The following HPRT1 variants were observed in gnomAD, a reference collection of about 807,000 sequenced individuals.
HPRT1 encodes hypoxanthine-guanine phosphoribosyltransferase.
A neutral mutation model predicts 19.0 loss-of-function variants in HPRT1; 4 were observed. The observed-to-expected ratio is 0.21, with a 90% confidence interval of 0.10 to 0.48. The LOEUF is 0.48. Among genes scored for constraint, HPRT1 ranks in the 20% least tolerant of loss-of-function variants. The pLI is 0.98. For synonymous variants in HPRT1, 53 were observed against 54.9 expected, an observed-to-expected ratio of 0.97 and a Z score of 0.15; for missense variants, 65 against 164.0, an observed-to-expected ratio of 0.40 and a Z score of 3.30.
chrX:134,493,491 GTCT>G lies in HPRT1; in HGVS notation c.403-12_403-10del. ...GACTCTGAATTTAAAGCTATGCAAT[GTCT>G]TCTTTTTTGAAAGGATATAATTGAC... On this transcript the variant is annotated splice_polypyrimidine_tract_variant and intron_variant, in intron 5 of 8. Coordinates refer to ENST00000298556, the MANE Select transcript of HPRT1 (RefSeq NM_000194.3). The G allele has an allele frequency of 8.7e-7, 1 of 1,146,558 alleles. No individual in the cohort carries two copies. The allele number at this position is 1,146,558 out of a possible 1,213,427, so 94.5% of individuals were successfully genotyped here. A position where few individuals can be genotyped will look rare whatever the true frequency, so the allele number is the denominator to read the frequency against.
chrX:134,491,965 A>G, intron 5 of HPRT1, among the ~76,000 whole-genome samples: 1 of 101,025 alleles, frequency 9.9e-6, no homozygotes, highest in South Asian at 4.2e-4. Flanking sequence ...ATATATACAC[A>G]CACATATATA....
chrX:134,472,078 C>G (rs1240918080), intron 1 of HPRT1, among the ~76,000 whole-genome samples: 1 of 111,229 alleles, frequency 9.0e-6, no homozygotes, highest in Non-Finnish European at 1.9e-5. Flanking sequence ...CAAGTGATTC[C>G]TTCTGCCTCC....
At chrX:134,486,065 G>T (rs1007440321) in intron 3 of HPRT1, among the ~76,000 whole-genome samples, 1 of 111,221 alleles carries the variant, frequency 9.0e-6, no homozygotes, top group African/African-American at 3.3e-5. Context: ...CATGGGAATC[G>T]TACAGGGCCA....
chrX:134,491,589 A>G (rs1379188700), intron 5 of HPRT1, among the ~76,000 whole-genome samples: 2 of 110,114 alleles, frequency 1.8e-5, no homozygotes, highest in African/African-American at 3.3e-5. Flanking sequence ...TTTGCTCCTT[A>G]TTTCTCGTAC....
Position 134,460,501 on chromosome X carries a change from AG to A in HPRT1, c.27+166del, listed in dbSNP as rs2077580024. ...CCCGGGTTCGGCTTTACGTCACGCGAGGGCGGCAGGGAGGACGGAATGGCGG... is the reference window on the plus strand; with the variant it reads ...CCCGGGTTCGGCTTTACGTCACGCGAGGCGGCAGGGAGGACGGAATGGCGG... On this transcript the variant is annotated intron_variant, in intron 1 of 8. Transcript: ENST00000298556. The A allele has an allele frequency of 1.3e-5, 4 of 311,789 alleles. No homozygotes were observed. In the South Asian group the frequency reaches 5.9e-4, roughly 46 times the overall value. 25.7% of individuals were successfully genotyped at this position (311,789 alleles called of 1,213,427 possible).
intron 6 of HPRT1, among the ~76,000 whole-genome samples, chrX:134,496,025 A>G (rs1165175546): frequency 8.9e-6 from 1 of 112,075 alleles, no homozygotes; most frequent in Non-Finnish European, 1.9e-5. Context: ...TTGAGTTTCT[A>G]CCTGTTGGCT....
At chrX:134,490,856 A>G (rs1264293252) in intron 5 of HPRT1, among the ~76,000 whole-genome samples, 1 of 109,102 alleles carries the variant, frequency 9.2e-6, no homozygotes, top group Non-Finnish European at 1.9e-5. Flanking sequence ...GTTTTTACTC[A>G]TAAGTCACTT....
At chrX:134,460,400 C>T (rs1462487917) in intron 1 of HPRT1, 62 bp downstream of exon 1, 2 of 933,395 alleles carry the variant, frequency 2.1e-6, no homozygotes, top group South Asian at 7.0e-5. Flanking sequence ...GGCGGCCGGG[C>T]CCTGAGGCGC....
intron 6 of HPRT1, among the ~76,000 whole-genome samples, chrX:134,497,934 G>A (rs1461724932): frequency 2.8e-5 from 3 of 108,794 alleles, no homozygotes; most frequent in Admixed American, 9.7e-5. Context: ...GCAACAGAGC[G>A]AGATTCCGTC....
intron 3 of HPRT1, among the ~76,000 whole-genome samples, chrX:134,480,454 G>GT (rs35009311): frequency 0.31 from 31,013 of 99,380 alleles, 4,147 homozygotes; most frequent in Admixed American, 0.43. Flanking sequence ...AATTAGAAAT[G>GT]TTTTTTTTTT....
Position 134,497,265 on chromosome X carries a change from G to A in HPRT1, c.486-1125G>A, listed in dbSNP as rs1022642948. 5.4e-5 allele frequency among the ~76,000 whole-genome samples: 6 copies of A among 110,929 alleles called. No homozygotes were observed. In the East Asian group the frequency reaches 1.7e-3, roughly 31 times the overall value. On this transcript the variant is annotated intron_variant, in intron 6 of 8. Transcript: ENST00000298556. ...GATCGCTAGAGCCCAAGAAGTCAAG[G>A]CTGCAGTGAACTGTGATTACACCAC...
chrX:134,477,510 G>A (rs1259486284), intron 3 of HPRT1, among the ~76,000 whole-genome samples: 3 of 111,130 alleles, frequency 2.7e-5, no homozygotes, highest in Non-Finnish European at 5.7e-5. Flanking sequence ...AATTGAGAAA[G>A]CTCTTCTGAT....
chrX:134,487,099 G>A (rs748143890), intron 4 of HPRT1, among the ~76,000 whole-genome samples: 1 of 111,305 alleles, frequency 9.0e-6, no homozygotes, highest in Admixed American at 9.6e-5. Context: ...ACAGTTTCTG[G>A]TAAATCACTC....
At chrX:134,471,675 G>C (rs1416055601) in intron 1 of HPRT1, among the ~76,000 whole-genome samples, 2 of 111,309 alleles carry the variant, frequency 1.8e-5, no homozygotes, top group African/African-American at 6.5e-5. Flanking sequence ...GGGTATTGCT[G>C]TGTCACCCAG....
intron 1 of HPRT1, chrX:134,460,597 A>G (rs1261446215): frequency 4.7e-6 from 1 of 210,913 alleles, no homozygotes; most frequent in African/African-American, 3.0e-5. Context: ...AGAAGGTGGA[A>G]ATGGCGTTTT....
In HPRT1 at chrX:134,493,496, C is replaced by A. The variant is rs201976755; in HGVS notation, c.403-12C>A. On this transcript the variant is annotated splice_polypyrimidine_tract_variant and intron_variant, in intron 5 of 8. Coordinates refer to ENST00000298556, the MANE Select transcript of HPRT1 (RefSeq NM_000194.3). ...TGAATTTAAAGCTATGCAATGTCTT[C>A]TTTTTTGAAAGGATATAATTGACAC... The A allele has an allele frequency of 6.4e-5, 75 of 1,173,303 alleles. 1 individual carries two copies. In the East Asian group the frequency reaches 2.2e-3, roughly 34 times the overall value.
chrX:134,483,781 T>C (rs754312841), intron 3 of HPRT1, among the ~76,000 whole-genome samples: 6 of 112,208 alleles, frequency 5.3e-5, no homozygotes, highest in Admixed American at 3.8e-4. Context: ...TAGGCACTTA[T>C]ACCTGTATTC....
At position 134,460,263 on chromosome X, in the gene HPRT1, C is replaced by T. The variant is rs747134233; in HGVS notation, c.-49C>T. On this transcript the variant is annotated 5_prime_UTR_variant, in exon 1 of 9. Transcript: ENST00000298556. ...CTCCGCCTCCTCCTCTGCTCCGCCA[C>T]CGGCTTCCTCCTCCTGAGCAGTCAG... 35 of 1,114,285 alleles carry T rather than the reference C, an allele frequency of 3.1e-5. No individual in the cohort carries two copies. In the South Asian group the frequency reaches 6.9e-4, roughly 22 times the overall value. The allele number at this position is 1,114,285 out of a possible 1,213,427, so 91.8% of individuals were successfully genotyped here. A position where few individuals can be genotyped will look rare whatever the true frequency, so the allele number is the denominator to read the frequency against.
rs778731254 is a variant in HPRT1 at position 134,486,356 on chromosome X, A to G, written c.319-109A>G. On this transcript the variant is annotated intron_variant, in intron 3 of 8. Transcript: ENST00000298556. ...TGGATATTAGCTAGCTAACTTCTCA[A>G]ATCTTCTAGTTCTCATTTAATTTGA... 4.5e-5 allele frequency: 16 copies of G among 353,456 alleles called. No individual in the cohort carries two copies. In the East Asian group the frequency reaches 7.2e-4, roughly 16 times the overall value. The allele number at this position is 353,456 out of a possible 1,213,427, so 29.1% of individuals were successfully genotyped here.
Sources: gnomAD v4.1 joint callset for allele counts (sites outside exome capture counted in the v4.1 genomes callset) on GRCh38, gnomAD v4.1.1 for gene constraint, MANE v1.5 for transcripts, NCBI Gene and HGNC (gene_info 2026-07-23, HGNC 2026-07-21) for gene names.